RBFOX1: variants seen among roughly 807,000 people sequenced by gnomAD.
RBFOX1 encodes RNA binding fox-1 homolog 1.
Under a neutral mutation model 57.7 loss-of-function variants are expected in RBFOX1, and 8 were observed. The observed-to-expected ratio is 0.14, with a 90% confidence interval of 0.08 to 0.25. The LOEUF (loss-of-function observed/expected upper bound fraction) is 0.25, where lower values mean the gene tolerates loss of function less well. RBFOX1 is among the 10% of genes least tolerant of loss of function. The pLI is 1.00. For missense variants in RBFOX1, 611 were observed against 548.5 expected, an observed-to-expected ratio of 1.11 and a Z score of -1.14; for synonymous variants, 326 against 222.4, an observed-to-expected ratio of 1.47 and a Z score of -4.15.
Position 6,695,636 on chromosome 16 carries a change from T to C in RBFOX1, c.-16+40986T>C, listed in dbSNP as rs72636204. Among the ~76,000 whole-genome samples the C allele has an allele frequency of 4.0e-3, 612 of 152,224 alleles. 19 individuals carry two copies. In the East Asian group the frequency reaches 0.058, roughly 14 times the overall value. Reference sequence around the variant, plus strand: ...CTTGGAATCTTCTTTAGGGAGAATATATTGTAAAAGACGATCATAGTGTCC... The same window carrying C: ...CTTGGAATCTTCTTTAGGGAGAATACATTGTAAAAGACGATCATAGTGTCC... On this transcript the variant is annotated intron_variant, in intron 3 of 15. Transcript: ENST00000550418.
rs2096889024 is a variant in RBFOX1, at chr16:6,545,961, T to G, written c.-63-108642T>G. 2.6e-5 allele frequency among the ~76,000 whole-genome samples: 4 copies of G among 152,176 alleles called. No homozygotes were observed. In the South Asian group the frequency reaches 6.2e-4, roughly 24 times the overall value. ...TGTGTACTGTTGTCTAAAACAGGGATTTGCAATCTTTTGGCTTCTCTGGGC... is the reference window on the plus strand; with the variant it reads ...TGTGTACTGTTGTCTAAAACAGGGAGTTGCAATCTTTTGGCTTCTCTGGGC... On this transcript the variant is annotated intron_variant, in intron 2 of 15. Coordinates refer to ENST00000550418, the MANE Select transcript of RBFOX1 (RefSeq NM_018723.4).
At chr16:6,800,454 T>G (rs1046426518) in intron 3 of RBFOX1, among the ~76,000 whole-genome samples, 1 of 152,248 alleles carries the variant, frequency 6.6e-6, no homozygotes, top group East Asian at 1.9e-4. Flanking sequence ...AAATGCAAAT[T>G]TTGGTTCAAT....
intron 14 of RBFOX1, among the ~76,000 whole-genome samples, chr16:7,707,670 G>T (rs1405393953): frequency 6.6e-6 from 1 of 152,104 alleles, no homozygotes; most frequent in South Asian, 2.1e-4. Flanking sequence ...ACTCAATGGT[G>T]CATCACTCAC....
At chr16:6,617,412 C>T (rs546469209) in intron 2 of RBFOX1, among the ~76,000 whole-genome samples, 8 of 151,980 alleles carry the variant, frequency 5.3e-5, no homozygotes, top group South Asian at 2.1e-4. Flanking sequence ...GACACTCATG[C>T]AGAGGGACAT....
intron 2 of RBFOX1, among the ~76,000 whole-genome samples, chr16:6,563,803 G>A (rs34577150): frequency 2.0e-5 from 3 of 151,744 alleles, no homozygotes; most frequent in African/African-American, 7.3e-5. Context: ...TCCAGTCTAG[G>A]AGACACAGTG....
intron 3 of RBFOX1, among the ~76,000 whole-genome samples, chr16:6,701,640 G>A (rs989352318): frequency 5.3e-5 from 8 of 152,160 alleles, no homozygotes; most frequent in South Asian, 4.1e-4. Context: ...ACATAAAGGC[G>A]TACGTACACC....
chr16:6,207,932 C>G (rs968952158), intron 1 of RBFOX1, among the ~76,000 whole-genome samples: 2 of 151,928 alleles, frequency 1.3e-5, no homozygotes, highest in African/African-American at 4.8e-5. Context: ...TCCAAATTAT[C>G]GGTTTACTTC....
intron 14 of RBFOX1, among the ~76,000 whole-genome samples, chr16:7,695,450 T>C (rs2078492001): frequency 6.6e-6 from 1 of 151,936 alleles, no homozygotes; most frequent in South Asian, 2.1e-4. Context: ...GTCAGGAGTC[T>C]AAGACCAGCC....
At chr16:5,954,738 G>C (rs113731766) in intron 4 of RBFOX1, among the ~76,000 whole-genome samples, 1 of 152,074 alleles carries the variant, frequency 6.6e-6, no homozygotes, top group Non-Finnish European at 1.5e-5. Flanking sequence ...TCTGCCACCC[G>C]GCACTTGGCC....
chr16:7,117,370 A>G (rs1350458436), intron 4 of RBFOX1, among the ~76,000 whole-genome samples: 1 of 152,168 alleles, frequency 6.6e-6, no homozygotes, highest in African/African-American at 2.4e-5. Flanking sequence ...GTTTTTCTGT[A>G]AAGTATGTGG....
chr16:7,555,872 C>A (rs910739082), intron 5 of RBFOX1, among the ~76,000 whole-genome samples: 2 of 152,168 alleles, frequency 1.3e-5, no homozygotes, highest in Admixed American at 1.3e-4. Context: ...CCTATGCTTC[C>A]AACATGCTCT....
intron 4 of RBFOX1, among the ~76,000 whole-genome samples, chr16:7,353,931 G>A (rs12921458): frequency 0.034 from 5,173 of 152,228 alleles, 100 homozygotes; most frequent in Non-Finnish European, 0.051. Flanking sequence ...CAGTTGTACA[G>A]TTTTGTGAAT....
intron 2 of RBFOX1, among the ~76,000 whole-genome samples, chr16:6,501,410 G>A (rs973271556): frequency 4.7e-5 from 7 of 150,156 alleles, no homozygotes; most frequent in Non-Finnish European, 7.4e-5. Context: ...TTGTCCTTGC[G>A]ATAGTTTGCT....
chr16:5,983,633 T>C (rs976274634), intron 4 of RBFOX1, among the ~76,000 whole-genome samples: 2 of 152,124 alleles, frequency 1.3e-5, no homozygotes, highest in African/African-American at 4.8e-5. Flanking sequence ...GAAACCAACT[T>C]CATTTCTGAC....
chr16:7,180,500 C>G (rs10500349), intron 4 of RBFOX1, among the ~76,000 whole-genome samples: 92,508 of 151,946 alleles, frequency 0.61, 29,255 homozygotes, highest in African/African-American at 0.79. Flanking sequence ...CACTAGTATT[C>G]ATTTATCTGG....
chr16:5,399,226 C>G (rs1567449767), intron 1 of RBFOX1, among the ~76,000 whole-genome samples: 1 of 152,216 alleles, frequency 6.6e-6, no homozygotes, highest in Admixed American at 6.5e-5. Context: ...TGATAATGCC[C>G]AGTAATCATG....
At chr16:6,498,001 C>T (rs1043622787) in intron 2 of RBFOX1, among the ~76,000 whole-genome samples, 12 of 152,060 alleles carry the variant, frequency 7.9e-5, no homozygotes, top group African/African-American at 2.7e-4. Flanking sequence ...GTAATCCCAA[C>T]ACTTTGGGAG....
intron 1 of RBFOX1, among the ~76,000 whole-genome samples, chr16:5,400,386 C>G (rs1398379360): frequency 6.6e-6 from 1 of 152,132 alleles, no homozygotes; most frequent in African/African-American, 2.4e-5. Context: ...AGCCACCACA[C>G]CCGGCCACTG....
At chr16:5,461,321 G>A (rs1054067343) in intron 1 of RBFOX1, among the ~76,000 whole-genome samples, 1 of 152,160 alleles carries the variant, frequency 6.6e-6, no homozygotes, top group African/African-American at 2.4e-5. Context: ...GCACTCTGCC[G>A]CCTCTGCCTC....
Sources: allele counts gnomAD v4.1 joint callset (sites outside exome capture counted in the v4.1 genomes callset), GRCh38; gene constraint gnomAD v4.1.1; transcripts MANE v1.5; gene names NCBI Gene and HGNC (gene_info 2026-07-23, HGNC 2026-07-21).